SLC25A10: variants seen among roughly 807,000 people sequenced by gnomAD.
SLC25A10 encodes the protein solute carrier family 25 member 10.
A neutral mutation model predicts 40.4 loss-of-function variants in SLC25A10; 32 were observed. The ratio of observed to expected loss-of-function variants is 0.79; its 90% CI spans 0.60 to 1.06. The LOEUF is 1.06. Ranked by LOEUF, SLC25A10 falls within the 50% of genes least tolerant of loss-of-function variation. The pLI is 0.00. For missense variants in SLC25A10, 394 were observed against 402.6 expected, an observed-to-expected ratio of 0.98 and a Z score of 0.18; for synonymous variants, 181 against 171.1, an observed-to-expected ratio of 1.06 and a Z score of -0.45.
intron 1 of SLC25A10, chr17:81,713,395 G>T (rs2037421764): frequency 5.1e-6 from 5 of 975,670 alleles, no homozygotes; most frequent in Non-Finnish European, 2.4e-6. Flanking sequence ...GCAGCCGCCT[G>T]TCTAGGGGAC....
At position 81,716,998 on chromosome 17, in the gene SLC25A10, G is replaced by A. The variant is rs966453764; in HGVS notation, c.464-4G>A. On this transcript the variant is annotated splice_region_variant and splice_polypyrimidine_tract_variant and intron_variant, in intron 6 of 10. Transcript: ENST00000350690. ...ACCCCTTGCCTCACCCCTTCCTTGTGCAGAGGGTCTCAGGAGACTGTTCTC... is the reference window on the plus strand; with the variant it reads ...ACCCCTTGCCTCACCCCTTCCTTGTACAGAGGGTCTCAGGAGACTGTTCTC... 12 of 1,478,020 alleles carry A rather than the reference G, an allele frequency of 8.1e-6. No homozygotes were observed. The highest frequency in any genetic ancestry group is 1.6e-5 in the African/African-American group (1 of 63,578). 91.6% of individuals were successfully genotyped at this position (1,478,020 alleles called of 1,614,324 possible).
intron 9 of SLC25A10, among the ~76,000 whole-genome samples, chr17:81,718,208 G>A (rs181053299): frequency 6.6e-6 from 1 of 152,168 alleles, no homozygotes; most frequent in African/African-American, 2.4e-5. Context: ...TAGGGGCCAG[G>A]TGCGGTGGCT....
chr17:81,716,890 G>C lies in SLC25A10; in HGVS notation c.463+35G>C, dbSNP rs772271642. The C allele has an allele frequency of 6.2e-6, 10 of 1,608,286 alleles. No individual in the cohort carries two copies. The South Asian group carries it at 1.0e-4, about 16-fold the overall frequency. On this transcript the variant is annotated intron_variant, in intron 6 of 10. Coordinates refer to ENST00000350690, the MANE Select transcript of SLC25A10 (RefSeq NM_012140.5). ...AGGTGCTGTGCACAGGCAGGGTTCT[G>C]GGGGGCAGGCAGGGTGGGCAGCGCT...
At chr17:81,714,809 G>T in intron 1 of SLC25A10, 144 bp from the exon 2 acceptor site, 1 of 1,103,718 alleles carries the variant, frequency 9.1e-7, no homozygotes, top group South Asian at 1.5e-5. Context: ...GGTGTGAGCT[G>T]GTTCCAGGCA....
At chr17:81,718,375 C>T (rs1047065716) in intron 9 of SLC25A10, among the ~76,000 whole-genome samples, 1 of 151,924 alleles carries the variant, frequency 6.6e-6, no homozygotes, top group Non-Finnish European at 1.5e-5. Context: ...ATCCCAGCTA[C>T]TCGGGAGGCT....
rs528925467 is a variant in SLC25A10, at chr17:81,715,689, G to T, written c.329-4G>T. 3.1e-6 allele frequency: 5 copies of T among 1,613,346 alleles called. No individual in the cohort carries two copies. Among genetic ancestry groups the T allele is most frequent in the Admixed American group, 1.7e-5 (1 of 60,024 alleles). ...GCTCATCTCTGGGGTTTGTGTCACC[G>T]CAGGTTTAGCTGGAGGCTTCGTGGG... On this transcript the variant is annotated splice_polypyrimidine_tract_variant and splice_region_variant and intron_variant, in intron 3 of 10. Transcript: ENST00000350690.
In SLC25A10 at chr17:81,715,899, G is replaced by A. The variant is rs1437206152; in HGVS notation, c.378-110G>A. On this transcript the variant is annotated intron_variant, in intron 4 of 10. Coordinates refer to ENST00000350690, the MANE Select transcript of SLC25A10 (RefSeq NM_012140.5). Reference sequence around the variant, plus strand: ...GGAGGGTGGGTGTCCCTGAGCCCCGGCGTGCCCTGTCCTGTGGGCCCCGCT... The same window carrying A: ...GGAGGGTGGGTGTCCCTGAGCCCCGACGTGCCCTGTCCTGTGGGCCCCGCT... The A allele has an allele frequency of 3.6e-5, 51 of 1,424,532 alleles. 1 individual carries two copies. In the South Asian group the frequency reaches 6.0e-4, roughly 17 times the overall value. 88.2% of individuals were successfully genotyped at this position (1,424,532 alleles called of 1,614,324 possible).
At position 81,720,868 on chromosome 17, in the gene SLC25A10, T is replaced by G; in HGVS notation, c.*791T>G. On this transcript the variant is annotated 3_prime_UTR_variant, in exon 11 of 11. Transcript: ENST00000350690. ...GGGGAATGGCCCAGGCGGGCCGCGG[T>G]TCCTCCTTAGGGCCTTCTCCCCGAC... 1.6e-5 allele frequency: 3 copies of G among 184,008 alleles called. No homozygotes were observed. Among genetic ancestry groups the G allele is most frequent in the East Asian group, 1.3e-4 (1 of 7,440 alleles). The allele number at this position is 184,008 out of a possible 1,614,324, so 11.4% of individuals were successfully genotyped here.
intron 6 of SLC25A10, 30 bp downstream of exon 6, chr17:81,716,885 G>A (rs1276086632): frequency 6.2e-7 from 1 of 1,607,796 alleles, no homozygotes; most frequent in South Asian, 1.1e-5. Flanking sequence ...CACAGGCAGG[G>A]TTCTGGGGGG....
Position 81,715,006 on chromosome 17 carries a change from G to T in SLC25A10, c.147G>T (p.Leu49=). The change falls in exon 2 of 11, where the codon CTG becomes CTT. Residue 49 remains leucine, a synonymous_variant. Coordinates refer to ENST00000350690, the MANE Select transcript of SLC25A10 (RefSeq NM_012140.5). ...AGCTGCGCATGACGGGCATGGCGCT[G>T]CGGGTGGTGCGTACCGACGGCATCC... is the stretch of plus-strand genomic sequence containing the variant. ...EVKLRMTGMA[L]RVVRTDGILA... 1 of 1,610,050 alleles carries T rather than the reference G, an allele frequency of 6.2e-7. No homozygotes were observed.
In SLC25A10 at chr17:81,720,177, C is replaced by G; in HGVS notation, c.*100C>G. ...CTCCTGGGGCCACGACCTCCCTGGCCGTGGCCACCCGTCCTCCGCAGCAGG... is the reference window on the plus strand; with the variant it reads ...CTCCTGGGGCCACGACCTCCCTGGCGGTGGCCACCCGTCCTCCGCAGCAGG... On this transcript the variant is annotated 3_prime_UTR_variant, in exon 11 of 11. Transcript: ENST00000350690. 1.3e-6 allele frequency: 2 copies of G among 1,537,560 alleles called. No individual in the cohort carries two copies. Among genetic ancestry groups the G allele is most frequent in the South Asian group, 2.4e-5 (2 of 82,394 alleles).
Position 81,720,466 on chromosome 17 carries a change from C to T in SLC25A10, c.*389C>T, listed in dbSNP as rs942644349. 5.3e-6 allele frequency: 7 copies of T among 1,328,618 alleles called. No homozygotes were observed. Among genetic ancestry groups the T allele is most frequent in the Non-Finnish European group, 6.7e-6 (7 of 1,045,238 alleles). The allele number at this position is 1,328,618 out of a possible 1,614,324, so 82.3% of individuals were successfully genotyped here. Reference sequence around the variant, plus strand: ...ATCTTCCAGCACTTTCCATCGAGGACTTGGGTGGCAGAGTGTGGGTGCAGC... The same window carrying T: ...ATCTTCCAGCACTTTCCATCGAGGATTTGGGTGGCAGAGTGTGGGTGCAGC... On this transcript the variant is annotated 3_prime_UTR_variant, in exon 11 of 11. Coordinates refer to ENST00000350690, the MANE Select transcript of SLC25A10 (RefSeq NM_012140.5).
chr17:81,719,391 CAG>C (rs1364633842), intron 9 of SLC25A10, among the ~76,000 whole-genome samples: 1 of 152,220 alleles, frequency 6.6e-6, no homozygotes, highest in Non-Finnish European at 1.5e-5. Flanking sequence ...CACAGATTAA[CAG>C]AGGTGGTGCC....
intron 9 of SLC25A10, among the ~76,000 whole-genome samples, chr17:81,719,057 A>G (rs1439338086): frequency 6.6e-6 from 1 of 150,796 alleles, no homozygotes; most frequent in African/African-American, 2.4e-5. Flanking sequence ...TCAGCCTCCC[A>G]AGTAGCTGGG....
Position 81,717,833 on chromosome 17 carries a change from G to A in SLC25A10, c.677G>A (p.Arg226His), listed in dbSNP as rs758802816. 6.8e-6 allele frequency: 11 copies of A among 1,611,598 alleles called. No individual in the cohort carries two copies. Among genetic ancestry groups the A allele is most frequent in the Middle Eastern group, 1.7e-4 (1 of 5,944 alleles). ...CAGCCCCTGGATGTGCTGAAGACTCGCCTGATGAACTCCAAGGGGGAGTAT... is the reference window on the plus strand; with the variant it reads ...CAGCCCCTGGATGTGCTGAAGACTCACCTGATGAACTCCAAGGGGGAGTAT... The part of the protein sequence containing the change: ...LCQPLDVLKT[R>H]LMNSKGEYQG... The change falls in exon 9 of 11, where the codon CGC (arginine) becomes CAC (histidine). Residue 226 changes from arginine to histidine, a missense_variant. Coordinates refer to ENST00000350690, the MANE Select transcript of SLC25A10 (RefSeq NM_012140.5).
chr17:81,715,583 TC>T lies in SLC25A10; in HGVS notation c.321del (p.Val108SerfsTer4). On this transcript the variant is annotated frameshift_variant, in exon 3 of 11. Coordinates refer to ENST00000350690, the MANE Select transcript of SLC25A10 (RefSeq NM_012140.5). LOFTEE classifies it high-confidence loss of function. ...LPFHEKVLLGSVSGLAGGFVG... is the reference protein window; with the variant it reads ...LPFHEKVLLGXVSGLAGGFVG... The stretch of plus-strand genomic sequence containing the variant: ...CTTCCACGAGAAGGTGTTGCTGGGC[TC>T]CGTCAGCGGTGAGCTGCCGGGCGGG... 5 of 1,610,648 alleles carry T rather than the reference TC, an allele frequency of 3.1e-6. No homozygotes were observed. Among genetic ancestry groups the T allele is most frequent in the Non-Finnish European group, 4.2e-6 (5 of 1,178,002 alleles).
In SLC25A10 at chr17:81,715,088, C is replaced by A; in HGVS notation, c.213+16C>A. The A allele has an allele frequency of 6.2e-7, 1 of 1,606,448 alleles. No homozygotes were observed. The highest frequency in any genetic ancestry group is 8.5e-7 in the Non-Finnish European group (1 of 1,178,114). ...GTGCAGACAGGTGCGTGGTGTGTGC[C>A]AGCCTTGGGCTCCCAGACTGGGGCT... is the stretch of plus-strand genomic sequence containing the variant. On this transcript the variant is annotated intron_variant, in intron 2 of 10. Transcript: ENST00000350690.
chr17:81,720,619 G>A lies in SLC25A10; in HGVS notation c.*542G>A, dbSNP rs2037573590. On this transcript the variant is annotated 3_prime_UTR_variant, in exon 11 of 11. Coordinates refer to ENST00000350690, the MANE Select transcript of SLC25A10 (RefSeq NM_012140.5). Reference sequence around the variant, plus strand: ...CAGCTGGGTGGGATGAACAAGCAACGCAGACCACAAGCGAGTGCCTGGGAG... The same window carrying A: ...CAGCTGGGTGGGATGAACAAGCAACACAGACCACAAGCGAGTGCCTGGGAG... The A allele has an allele frequency of 6.2e-6, 6 of 960,480 alleles. No individual in the cohort carries two copies. The highest frequency in any genetic ancestry group is 5.5e-6 in the Non-Finnish European group (4 of 733,306). 59.5% of individuals were successfully genotyped at this position (960,480 alleles called of 1,614,324 possible). A position where few individuals can be genotyped will look rare whatever the true frequency, so the allele number is the denominator to read the frequency against.
chr17:81,715,480 G>T lies in SLC25A10; in HGVS notation c.216G>T (p.Met72Ile). 2 of 1,612,216 alleles carry T rather than the reference G, an allele frequency of 1.2e-6. No homozygotes were observed. Among genetic ancestry groups the T allele is most frequent in the South Asian group, 2.2e-5 (2 of 91,060 alleles). Residue 72 changes from methionine to isoleucine, a missense_variant and splice_region_variant, in exon 3 of 11, where the codon ATG (methionine) becomes ATT (isoleucine). Met to Ile is a conservative substitution (Grantham distance 10, BLOSUM62 1). Coordinates refer to ENST00000350690, the MANE Select transcript of SLC25A10 (RefSeq NM_012140.5). ...SGLSASLCRQ[M>I]TYSLTRFAIY... ...CAAGCCAGGCCCTTCTCCCCCAGATGACCTACTCCCTGACTCGGTTCGCCA... is the reference window on the plus strand; with the variant it reads ...CAAGCCAGGCCCTTCTCCCCCAGATTACCTACTCCCTGACTCGGTTCGCCA...
Sources: gnomAD v4.1 joint callset for allele counts (sites outside exome capture counted in the v4.1 genomes callset) on GRCh38, gnomAD v4.1.1 for gene constraint, MANE v1.5 for transcripts, NCBI Gene and HGNC (gene_info 2026-07-23, HGNC 2026-07-21) for gene names.